The following PAM variants were observed in gnomAD, a reference collection of about 807,000 sequenced individuals.
The protein encoded by PAM is peptidylglycine alpha-amidating monooxygenase, also known as peptidyl-glycine alpha-amidating monooxygenase.
In PAM, 72 loss-of-function variants were observed where a neutral mutation model predicts 122.1. The ratio of observed to expected loss-of-function variants is 0.59; its 90% CI spans 0.49 to 0.72. The LOEUF is 0.72. PAM is among the 30% of genes least tolerant of loss of function. PAM has a pLI of 0.00. For missense variants in PAM, 1,106 were observed against 1,183.7 expected (o/e 0.93, Z 0.96); for synonymous variants, 389 against 404.4 (o/e 0.96, Z 0.46).
At chr5:102,927,112 A>G (rs1581779776) in intron 7 of PAM, among the ~76,000 whole-genome samples, 1 of 151,828 alleles carries the variant, frequency 6.6e-6, no homozygotes, top group African/African-American at 2.4e-5. Context: ...TTCCTTATCT[A>G]TCCATACGTG....
intron 3 of PAM, among the ~76,000 whole-genome samples, chr5:102,885,101 A>ATATATATATATATATATAT (rs1561760697): frequency 2.6e-5 from 4 of 151,438 alleles, no homozygotes; most frequent in Admixed American, 1.3e-4. Context: ...ATATAACTAT[A>ATATATATATATATATATAT]AAAGCTTTAC....
rs1581790759 is a variant in PAM at position 102,928,033 on chromosome 5, C to A, written c.526+1365C>A. On this transcript the variant is annotated intron_variant, in intron 7 of 25. Coordinates refer to ENST00000438793, the MANE Select transcript of PAM (RefSeq NM_001177306.2). ...ATTGACCATGCTGGTTTCAGTAGAA[C>A]AGACAGATTGTGAGACTGCTGACTT... Among the ~76,000 whole-genome samples, 6 of 152,262 alleles carry A rather than the reference C, an allele frequency of 3.9e-5. No homozygotes were observed. In the South Asian group the frequency reaches 1.2e-3, roughly 32 times the overall value.
At chr5:102,958,542 G>A (rs1473356642) in intron 12 of PAM, among the ~76,000 whole-genome samples, 2 of 152,128 alleles carry the variant, frequency 1.3e-5, no homozygotes, top group Non-Finnish European at 2.9e-5. Context: ...ATGAAGACAT[G>A]TGTAGTGAAC....
rs567281946 is a variant in PAM, at chr5:102,920,312, C to T, written c.357-4645C>T. On this transcript the variant is annotated intron_variant, in intron 5 of 25. Coordinates refer to ENST00000438793, the MANE Select transcript of PAM (RefSeq NM_001177306.2). ...ATTGATAAAGTATATATTAATCATT[C>T]ACTATGTGCCAAGCACTTTGTTGGG... Among the ~76,000 whole-genome samples the T allele has an allele frequency of 3.6e-4, 54 of 152,056 alleles. 1 individual carries two copies. The highest frequency in any genetic ancestry group is 1.0e-3 in the South Asian group (5 of 4,814).
chr5:102,957,824 G>A (rs1042878836), intron 12 of PAM, among the ~76,000 whole-genome samples: 21 of 152,094 alleles, frequency 1.4e-4, no homozygotes, highest in African/African-American at 4.6e-4. Context: ...CATCGTGCCC[G>A]GCAGGCCATA....
chr5:102,967,315 C>G (rs1330456696), intron 14 of PAM, among the ~76,000 whole-genome samples: 1 of 152,162 alleles, frequency 6.6e-6, no homozygotes, highest in African/African-American at 2.4e-5. Flanking sequence ...ACCAAACTCA[C>G]ACAATTGAAT....
intron 3 of PAM, among the ~76,000 whole-genome samples, chr5:102,877,318 T>G (rs2151080210): frequency 6.6e-6 from 1 of 152,318 alleles, no homozygotes; most frequent in Non-Finnish European, 1.5e-5. Context: ...CCCTATATGA[T>G]AAATACATTA....
intron 16 of PAM, among the ~76,000 whole-genome samples, chr5:102,991,430 C>A (rs1369058311): frequency 6.6e-6 from 1 of 152,122 alleles, no homozygotes; most frequent in African/African-American, 2.4e-5. Context: ...TTATCAATTA[C>A]ATCTAATATA....
chr5:102,917,767 T>C (rs1451114221), intron 5 of PAM, among the ~76,000 whole-genome samples: 1 of 152,216 alleles, frequency 6.6e-6, no homozygotes, highest in East Asian at 1.9e-4. Flanking sequence ...ATTCTGATGA[T>C]GTTTCACTGT....
intron 1 of PAM, among the ~76,000 whole-genome samples, chr5:102,774,223 A>T (rs1208209942): frequency 1.3e-5 from 2 of 152,130 alleles, no homozygotes; most frequent in Admixed American, 1.3e-4. Context: ...GTCTGAGTAT[A>T]TACCCAGTAA....
chr5:102,860,009 T>C (rs1418659678), intron 1 of PAM, among the ~76,000 whole-genome samples: 1 of 152,200 alleles, frequency 6.6e-6, no homozygotes, highest in Non-Finnish European at 1.5e-5. Flanking sequence ...AACATAACAA[T>C]GCATTTTTCA....
intron 1 of PAM, among the ~76,000 whole-genome samples, chr5:102,825,776 G>T (rs1453092709): frequency 6.6e-6 from 1 of 152,170 alleles, no homozygotes; most frequent in African/African-American, 2.4e-5. Context: ...GAGCCCGGAA[G>T]TTAAAGGCTA....
chr5:102,842,764 T>C (rs1778962267), intron 1 of PAM, among the ~76,000 whole-genome samples: 1 of 152,256 alleles, frequency 6.6e-6, no homozygotes, highest in Admixed American at 6.5e-5. Context: ...TAATGTATCA[T>C]TTATTGAACC....
chr5:102,826,269 A>G (rs1773568874), intron 1 of PAM, among the ~76,000 whole-genome samples: 1 of 152,150 alleles, frequency 6.6e-6, no homozygotes, highest in South Asian at 2.1e-4. Flanking sequence ...CTTTTAATCT[A>G]TGTATTTATG....
At chr5:102,949,863 C>G (rs1172902505) in intron 10 of PAM, 39 bp from the exon 11 acceptor site, 1 of 1,074,670 alleles carries the variant, frequency 9.3e-7, no homozygotes. Context: ...TTTCTAATAC[C>G]TTATTATATT....
At chr5:102,949,100 T>C (rs1757954309) in intron 9 of PAM, among the ~76,000 whole-genome samples, 1 of 152,114 alleles carries the variant, frequency 6.6e-6, no homozygotes, top group Non-Finnish European at 1.5e-5. Flanking sequence ...ATAGCTACTG[T>C]GTTAGACTAT....
intron 16 of PAM, 56 bp downstream of exon 16, chr5:102,990,457 T>C: frequency 7.5e-7 from 1 of 1,335,394 alleles, no homozygotes; most frequent in South Asian, 1.5e-5. Flanking sequence ...TGTACATAAT[T>C]TTTTCACTAA....
chr5:102,964,718 A>G (rs1264397951), intron 14 of PAM, among the ~76,000 whole-genome samples: 1 of 150,736 alleles, frequency 6.6e-6, no homozygotes, highest in Non-Finnish European at 1.5e-5. Context: ...TTATGCATAT[A>G]TTTACATATT....
chr5:102,860,421 A>C (rs1296593892), intron 1 of PAM, among the ~76,000 whole-genome samples: 2 of 152,162 alleles, frequency 1.3e-5, no homozygotes, highest in Admixed American at 1.3e-4. Context: ...TGATAGGAAT[A>C]TGTCAAAGGC....
Sources: allele counts gnomAD v4.1 joint callset (sites outside exome capture counted in the v4.1 genomes callset), GRCh38; gene constraint gnomAD v4.1.1; transcripts MANE v1.5; gene names NCBI Gene and HGNC (gene_info 2026-07-23, HGNC 2026-07-21).